Variants in GFRA2 observed in about 807,000 individuals in gnomAD.
GFRA2 encodes GDNF family receptor alpha 2, also known as GDNF family receptor alpha-2.
In GFRA2, 17 loss-of-function variants were observed where a neutral mutation model predicts 48.3. The ratio of observed to expected loss-of-function variants is 0.35; its 90% CI spans 0.24 to 0.53. The LOEUF (loss-of-function observed/expected upper bound fraction) is 0.53. GFRA2 is among the 20% of genes least tolerant of loss of function. The probability of loss-of-function intolerance (pLI) is 0.93; values close to 1 mark genes in which losing one functional copy is unlikely to be tolerated. For synonymous variants in GFRA2, 305 were observed against 257.2 expected, an observed-to-expected ratio of 1.19 and a Z score of -1.78; for missense variants, 660 against 637.3, an observed-to-expected ratio of 1.04 and a Z score of -0.38.
At chr8:21,785,575 G>C (rs951541616) in intron 1 of GFRA2, among the ~76,000 whole-genome samples, 7 of 152,204 alleles carry the variant, frequency 4.6e-5, no homozygotes, top group Admixed American at 2.0e-4. Context: ...GGGGTAGAGG[G>C]GGGTGGAGAA....
At chr8:21,781,900 C>T (rs984467313) in intron 2 of GFRA2, among the ~76,000 whole-genome samples, 2 of 152,078 alleles carry the variant, frequency 1.3e-5, no homozygotes, top group Non-Finnish European at 2.9e-5. Context: ...CTTTGTGACT[C>T]GGAGGCTGGT....
rs567469526 is a variant in GFRA2 at position 21,725,246 on chromosome 8, C to T, written c.795-19205G>A. Among the ~76,000 whole-genome samples, 3 of 152,246 alleles carry T rather than the reference C, an allele frequency of 2.0e-5. No homozygotes were observed. The South Asian group carries it at 6.2e-4, about 31-fold the overall frequency. ...GCAGAGCCCTCAGGGCTGGGTTGTT[C>T]TGATCGAGCTCCTGACAAAGAGTGA... On this transcript the variant is annotated intron_variant, in intron 4 of 8. Transcript: ENST00000524240.
intron 3 of GFRA2, among the ~76,000 whole-genome samples, chr8:21,773,755 T>G (rs7463382): frequency 0.51 from 78,180 of 152,090 alleles, 23,151 homozygotes; most frequent in African/African-American, 0.81. Context: ...AGGGCTTAGG[T>G]TCTCACTGGA....
chr8:21,744,570 C>CACACACACACACAT (rs1432199156), intron 4 of GFRA2, among the ~76,000 whole-genome samples: 1 of 142,234 alleles, frequency 7.0e-6, no homozygotes, highest in African/African-American at 2.5e-5. Flanking sequence ...CACACACACA[C>CACACACACACACAT]ACACACACAC....
rs147236279 is a variant in GFRA2, at chr8:21,780,056, CTT to C, written c.355+2527_355+2528del. Among the ~76,000 whole-genome samples, 520 of 145,628 alleles carry C rather than the reference CTT, an allele frequency of 3.6e-3. 19 individuals carry two copies. In the East Asian group the frequency reaches 0.071, roughly 20 times the overall value. ...TTTAAACTGCTCGATCCTCTCCCAT[CTT>C]TTTTTTTTTTTTAAGCATCCTTTGT... On this transcript the variant is annotated intron_variant, in intron 2 of 8. Coordinates refer to ENST00000524240, the MANE Select transcript of GFRA2 (RefSeq NM_001495.5).
intron 4 of GFRA2, among the ~76,000 whole-genome samples, chr8:21,739,137 T>C (rs1430650508): frequency 1.3e-5 from 2 of 152,188 alleles, no homozygotes; most frequent in Non-Finnish European, 2.9e-5. Flanking sequence ...AGAATGTGTC[T>C]TGGACCAGGG....
chr8:21,751,942 G>A (rs1053807443), intron 3 of GFRA2, among the ~76,000 whole-genome samples: 3 of 152,118 alleles, frequency 2.0e-5, no homozygotes, highest in Non-Finnish European at 2.9e-5. Context: ...GCCAAGACTG[G>A]GCATTCTAGA....
Position 21,692,579 on chromosome 8 carries a change from G to A in GFRA2, c.*699C>T, listed in dbSNP as rs1801926498. ...CCAAGTTTTAATGCCTCGCCACAAG[G>A]GCTCTCCCAGGCAGGCTGAGCTCTC... On this transcript the variant is annotated 3_prime_UTR_variant, in exon 9 of 9. Coordinates refer to ENST00000524240, the MANE Select transcript of GFRA2 (RefSeq NM_001495.5). The A allele has an allele frequency of 6.6e-6, 1 of 151,480 alleles. No homozygotes were observed. The allele number at this position is 151,480 out of a possible 1,614,324, so 9.4% of individuals were successfully genotyped here.
At chr8:21,714,850 G>T (rs1803255957) in intron 4 of GFRA2, among the ~76,000 whole-genome samples, 1 of 152,088 alleles carries the variant, frequency 6.6e-6, no homozygotes, top group Non-Finnish European at 1.5e-5. Flanking sequence ...AAAGGAATGG[G>T]GCACTTGAAT....
intron 2 of GFRA2, among the ~76,000 whole-genome samples, chr8:21,781,285 C>G (rs1806972242): frequency 6.6e-6 from 1 of 152,102 alleles, no homozygotes; most frequent in South Asian, 2.1e-4. Context: ...CCTTAAAACC[C>G]TTCAGGGATC....
intron 4 of GFRA2, among the ~76,000 whole-genome samples, chr8:21,716,806 C>T (rs940026225): frequency 6.6e-6 from 1 of 152,182 alleles, no homozygotes; most frequent in African/African-American, 2.4e-5. Flanking sequence ...AGACATGTAA[C>T]ACGTAGACTA....
At chr8:21,755,105 A>C (rs1419183034) in intron 3 of GFRA2, among the ~76,000 whole-genome samples, 1 of 152,156 alleles carries the variant, frequency 6.6e-6, no homozygotes, top group African/African-American at 2.4e-5. Context: ...TTTTTAGGGC[A>C]ATGAAATCAC....
intron 3 of GFRA2, among the ~76,000 whole-genome samples, chr8:21,756,331 C>G (rs1270178166): frequency 6.6e-6 from 1 of 152,196 alleles, no homozygotes; most frequent in East Asian, 1.9e-4. Context: ...GCAGCTCCTA[C>G]CTGGTTACCA....
intron 6 of GFRA2, among the ~76,000 whole-genome samples, chr8:21,704,190 G>A (rs1006794520): frequency 1.3e-5 from 2 of 152,168 alleles, no homozygotes; most frequent in Admixed American, 6.5e-5. Context: ...ACTGGCAGGC[G>A]CCCCCTGCCT....
At chr8:21,759,249 G>T (rs1805751083) in intron 3 of GFRA2, among the ~76,000 whole-genome samples, 3 of 151,910 alleles carry the variant, frequency 2.0e-5, no homozygotes, top group South Asian at 4.2e-4. Flanking sequence ...AGTTGGGAGT[G>T]GTGGCGTGCA....
chr8:21,706,734 C>T (rs983682158), intron 4 of GFRA2, among the ~76,000 whole-genome samples: 2 of 152,164 alleles, frequency 1.3e-5, no homozygotes, highest in Non-Finnish European at 2.9e-5. Context: ...CTGTCAGCAT[C>T]GATGACACTG....
At position 21,713,307 on chromosome 8, in the gene GFRA2, C is replaced by T. The variant is rs189967756; in HGVS notation, c.795-7266G>A. On this transcript the variant is annotated intron_variant, in intron 4 of 8. Coordinates refer to ENST00000524240, the MANE Select transcript of GFRA2 (RefSeq NM_001495.5). ...CCCCATTTCAAGTGATTCTCAGCACCCCCGCCCCACCCACCGTAGCTGGGA... is the reference window on the plus strand; with the variant it reads ...CCCCATTTCAAGTGATTCTCAGCACTCCCGCCCCACCCACCGTAGCTGGGA... 1.1e-3 allele frequency among the ~76,000 whole-genome samples: 167 copies of T among 151,866 alleles called. 1 individual carries two copies. The highest frequency in any genetic ancestry group is 3.8e-3 in the African/African-American group (157 of 41,408).
At position 21,788,192 on chromosome 8, in the gene GFRA2, T is replaced by C; in HGVS notation, c.-33A>G. ...AAATCCCACCGTTTTTTTGTCTTTC[T>C]CCCTTGGGTAAAAAAAAATAATAGT... On this transcript the variant is annotated 5_prime_UTR_variant, in exon 1 of 9. Transcript: ENST00000524240. The C allele has an allele frequency of 6.3e-7, 1 of 1,598,712 alleles. No homozygotes were observed. The highest frequency in any genetic ancestry group is 1.4e-5 in the African/African-American group (1 of 73,818).
rs1312873669 is a variant in GFRA2 at position 21,691,730 on chromosome 8, G to T, written c.*1548C>A. ...TTCTCTTCCAGCCTGGGAGCCACAG[G>T]CATTTGCGCCAACTGGAGAAGTGAG... On this transcript the variant is annotated 3_prime_UTR_variant, in exon 9 of 9. Coordinates refer to ENST00000524240, the MANE Select transcript of GFRA2 (RefSeq NM_001495.5). The T allele has an allele frequency of 6.6e-6, 1 of 152,254 alleles. No individual in the cohort carries two copies. Among genetic ancestry groups the T allele is most frequent in the African/African-American group, 2.4e-5 (1 of 41,464 alleles). 9.4% of individuals were successfully genotyped at this position (152,254 alleles called of 1,614,324 possible). A position where few individuals can be genotyped will look rare whatever the true frequency, so the allele number is the denominator to read the frequency against.
Sources: gnomAD v4.1 joint callset for allele counts (sites outside exome capture counted in the v4.1 genomes callset) on GRCh38, gnomAD v4.1.1 for gene constraint, MANE v1.5 for transcripts, NCBI Gene and HGNC (gene_info 2026-07-23, HGNC 2026-07-21) for gene names.